The following RAPGEF4 variants were observed in gnomAD, a reference collection of about 807,000 sequenced individuals.
The protein encoded by RAPGEF4 is Rap guanine nucleotide exchange factor 4.
In RAPGEF4, 66 loss-of-function variants were observed where a neutral mutation model predicts 147.9. The observed-to-expected ratio is 0.45, with a 90% CI of 0.37 to 0.55. The LOEUF (loss-of-function observed/expected upper bound fraction) is 0.55, where lower values mean the gene tolerates loss of function less well. RAPGEF4 is among the 20% of genes least tolerant of loss of function. The pLI, the probability that RAPGEF4 is intolerant of heterozygous loss-of-function variation, is 0.00. For missense variants in RAPGEF4, 1,071 were observed against 1,257.3 expected (o/e 0.85, Z 2.24); for synonymous variants, 419 against 442.7 (o/e 0.95, Z 0.67).
intron 17 of RAPGEF4, 47 bp downstream of exon 17, chr2:173,001,391 C>T (rs1019823783): frequency 1.3e-6 from 2 of 1,589,756 alleles, no homozygotes; most frequent in Non-Finnish European, 1.7e-6. Flanking sequence ...CGAAGACAAC[C>T]CCCCCTATCG....
At chr2:172,851,328 A>G (rs879773216) in intron 4 of RAPGEF4, among the ~76,000 whole-genome samples, 21 of 151,858 alleles carry the variant, frequency 1.4e-4, no homozygotes, top group Non-Finnish European at 1.6e-4. Context: ...TGTTTTTTTG[A>G]GTTTGCTAAG....
chr2:172,881,197 T>A (rs1696580968), intron 4 of RAPGEF4, among the ~76,000 whole-genome samples: 1 of 152,216 alleles, frequency 6.6e-6, no homozygotes, highest in African/African-American at 2.4e-5. Flanking sequence ...AATGGTCAAC[T>A]TTCAATTCTT....
At chr2:172,806,131 C>CT (rs1171885162) in intron 3 of RAPGEF4, among the ~76,000 whole-genome samples, 1 of 150,664 alleles carries the variant, frequency 6.6e-6, no homozygotes, top group Non-Finnish European at 1.5e-5. Flanking sequence ...AAGTGAGGGG[C>CT]TTTTTTGGCA....
chr2:173,026,819 A>G (rs1246021761), intron 24 of RAPGEF4, 122 bp downstream of exon 24: 14 of 1,331,322 alleles, frequency 1.1e-5, no homozygotes, highest in African/African-American at 1.5e-5. Flanking sequence ...ATTTTTTTGC[A>G]TACTGAGCTT....
chr2:172,943,657 A>C, intron 6 of RAPGEF4, among the ~76,000 whole-genome samples: 1 of 152,188 alleles, frequency 6.6e-6, no homozygotes, highest in East Asian at 1.9e-4. Context: ...GAAGCACCCT[A>C]AACAAATGAG....
In RAPGEF4 at chr2:172,901,233, C is replaced by T. The variant is rs899717549; in HGVS notation, c.445-16569C>T. On this transcript the variant is annotated intron_variant, in intron 4 of 30. Transcript: ENST00000397081. The stretch of plus-strand genomic sequence containing the variant: ...AATGAGTATATTTTGGCACTAATTC[C>T]GAGAGCACAGACTGGGCACTCTATT... Among the ~76,000 whole-genome samples, 4 of 152,108 alleles carry T rather than the reference C, an allele frequency of 2.6e-5. No individual in the cohort carries two copies. The East Asian group carries it at 5.8e-4, about 22-fold the overall frequency.
intron 30 of RAPGEF4, among the ~76,000 whole-genome samples, chr2:173,049,067 T>C (rs574501150): frequency 3.3e-5 from 5 of 152,320 alleles, no homozygotes; most frequent in African/African-American, 7.2e-5. Context: ...GGAAAGATAA[T>C]ATTTATTGTC....
rs143060350 is a variant in RAPGEF4 at position 172,811,141 on chromosome 2, C to A, written c.298-3138C>A. On this transcript the variant is annotated intron_variant, in intron 3 of 30. Coordinates refer to ENST00000397081, the MANE Select transcript of RAPGEF4 (RefSeq NM_007023.4). ...CTCTCATGTCCTACCACTGTCATGGCAATGGTTGCCCCTTTAAGGCATTAA... is the reference window on the plus strand; with the variant it reads ...CTCTCATGTCCTACCACTGTCATGGAAATGGTTGCCCCTTTAAGGCATTAA... Among the ~76,000 whole-genome samples, 200 of 152,290 alleles carry A rather than the reference C, an allele frequency of 1.3e-3. 1 individual carries two copies. The highest frequency in any genetic ancestry group is 0.01 in the Middle Eastern group (3 of 294).
chr2:172,891,158 T>C (rs1575149933), intron 4 of RAPGEF4, among the ~76,000 whole-genome samples: 1 of 152,182 alleles, frequency 6.6e-6, no homozygotes, highest in East Asian at 1.9e-4. Flanking sequence ...AATTTCAAGA[T>C]GGTAACAGCA....
chr2:172,956,947 A>G (rs1415021013), intron 6 of RAPGEF4, among the ~76,000 whole-genome samples: 1 of 152,204 alleles, frequency 6.6e-6, no homozygotes, highest in African/African-American at 2.4e-5. Flanking sequence ...CAAACAGAAC[A>G]CAGACTCTTC....
intron 4 of RAPGEF4, among the ~76,000 whole-genome samples, chr2:172,911,260 G>A (rs774367470): frequency 6.6e-6 from 1 of 152,168 alleles, no homozygotes. Context: ...GACAAGTTAC[G>A]TGTCCCCCAC....
At chr2:173,011,504 A>G (rs574723860) in intron 17 of RAPGEF4, among the ~76,000 whole-genome samples, 1 of 152,144 alleles carries the variant, frequency 6.6e-6, no homozygotes, top group South Asian at 2.1e-4. Context: ...TGAATTGTAA[A>G]GCTCTATACA....
intron 1 of RAPGEF4, among the ~76,000 whole-genome samples, chr2:172,765,961 G>A (rs927530633): frequency 6.6e-6 from 1 of 152,194 alleles, no homozygotes; most frequent in Admixed American, 6.5e-5. Flanking sequence ...ACCCTGGGCT[G>A]TTCTCTGTGT....
At chr2:172,828,736 A>G (rs1689964459) in intron 4 of RAPGEF4, among the ~76,000 whole-genome samples, 2 of 151,988 alleles carry the variant, frequency 1.3e-5, no homozygotes, top group South Asian at 4.2e-4. Flanking sequence ...TTCCTTCTCT[A>G]CCTACCCCAA....
intron 24 of RAPGEF4, 30 bp from the exon 25 acceptor site, chr2:173,027,051 T>A: frequency 6.5e-7 from 1 of 1,542,868 alleles, no homozygotes; most frequent in African/African-American, 1.4e-5. Flanking sequence ...TAAAAAAAAA[T>A]AAGCAAAATT....
At chr2:172,958,966 T>C (rs1382544256) in intron 6 of RAPGEF4, among the ~76,000 whole-genome samples, 1 of 152,236 alleles carries the variant, frequency 6.6e-6, no homozygotes, top group Non-Finnish European at 1.5e-5. Context: ...TACAATATTA[T>C]ATATTGGCCT....
At chr2:172,886,946 G>A (rs946260314) in intron 4 of RAPGEF4, among the ~76,000 whole-genome samples, 10 of 152,142 alleles carry the variant, frequency 6.6e-5, no homozygotes, top group Non-Finnish European at 1.5e-4. Context: ...CCAGCACTTT[G>A]GGAGGCCAAG....
chr2:173,046,041 G>C (rs1403555185), intron 29 of RAPGEF4, among the ~76,000 whole-genome samples: 1 of 152,218 alleles, frequency 6.6e-6, no homozygotes, highest in Non-Finnish European at 1.5e-5. Context: ...GGGAATGCTA[G>C]TTAGATTCAC....
At chr2:172,843,777 A>G (rs562808685) in intron 4 of RAPGEF4, among the ~76,000 whole-genome samples, 1 of 152,324 alleles carries the variant, frequency 6.6e-6, no homozygotes, top group South Asian at 2.1e-4. Context: ...GGATGAGAAT[A>G]GCGTTACTTG....
Sources: allele counts gnomAD v4.1 joint callset (sites outside exome capture counted in the v4.1 genomes callset), GRCh38; gene constraint gnomAD v4.1.1; transcripts MANE v1.5; gene names NCBI Gene and HGNC (gene_info 2026-07-23, HGNC 2026-07-21).